The following RPS6KA2 variants were observed in gnomAD, a reference collection of about 807,000 sequenced individuals.
The protein encoded by RPS6KA2 is ribosomal protein S6 kinase alpha-2.
Under a neutral mutation model 91.8 loss-of-function variants are expected in RPS6KA2, and 42 were observed. The ratio of observed to expected loss-of-function variants is 0.46; its 90% CI spans 0.36 to 0.59. The LOEUF (loss-of-function observed/expected upper bound fraction) is 0.59. RPS6KA2 is among the 20% of genes least tolerant of loss of function. RPS6KA2 has a pLI of 0.00. For synonymous variants in RPS6KA2, 414 were observed against 393.6 expected (o/e 1.05, Z -0.61); for missense variants, 798 against 978.5 (o/e 0.82, Z 2.46).
chr6:166,685,752 G>T (rs1009013652), intron 2 of RPS6KA2, among the ~76,000 whole-genome samples: 1 of 152,178 alleles, frequency 6.6e-6, no homozygotes, highest in African/African-American at 2.4e-5. Flanking sequence ...GGTTCAAGCT[G>T]GGTTCACACA....
intron 1 of RPS6KA2, among the ~76,000 whole-genome samples, chr6:166,618,929 GC>G (rs1786516295): frequency 6.6e-6 from 1 of 152,252 alleles, no homozygotes. Flanking sequence ...GCGCGCAAGA[GC>G]CCTGTGCATA....
rs531864651 is a variant in RPS6KA2, at chr6:166,501,825, G to A, written c.567-901C>T. The stretch of plus-strand genomic sequence containing the variant: ...TAGCCCTAAAGAGACCAGGAAGTGG[G>A]CTGGAAAGAAACAAAGGCAAGGCTT... On this transcript the variant is annotated intron_variant, in intron 6 of 20. Transcript: ENST00000265678. 5.3e-5 allele frequency among the ~76,000 whole-genome samples: 8 copies of A among 152,336 alleles called. No individual in the cohort carries two copies. The South Asian group carries it at 1.4e-3, about 28-fold the overall frequency.
chr6:166,543,192 C>T (rs6456091), intron 1 of RPS6KA2, among the ~76,000 whole-genome samples: 2 of 151,888 alleles, frequency 1.3e-5, no homozygotes, highest in African/African-American at 2.4e-5. Flanking sequence ...ATCATATAAA[C>T]GCTTAATGAC....
intron 2 of RPS6KA2, among the ~76,000 whole-genome samples, chr6:166,725,575 G>T (rs1472150414): frequency 6.6e-6 from 1 of 152,210 alleles, no homozygotes; most frequent in Admixed American, 6.5e-5. Flanking sequence ...TGGGTGCCTC[G>T]AAGGGAGGTG....
chr6:166,709,458 T>C (rs927755083), intron 2 of RPS6KA2, among the ~76,000 whole-genome samples: 2 of 152,148 alleles, frequency 1.3e-5, no homozygotes, highest in African/African-American at 4.8e-5. Context: ...TGACACTCCA[T>C]CTGTACCAAA....
intron 2 of RPS6KA2, among the ~76,000 whole-genome samples, chr6:166,739,786 C>CT (rs1268640733): frequency 6.6e-6 from 1 of 152,200 alleles, no homozygotes; most frequent in Non-Finnish European, 1.5e-5. Context: ...TTTGAAAGAG[C>CT]TAAGTGTGCA....
intron 2 of RPS6KA2, among the ~76,000 whole-genome samples, chr6:166,812,928 C>T (rs1467613146): frequency 6.6e-6 from 1 of 152,164 alleles, no homozygotes; most frequent in Non-Finnish European, 1.5e-5. Context: ...AACTCTCCAG[C>T]TCTCACTGAA....
intron 10 of RPS6KA2, among the ~76,000 whole-genome samples, chr6:166,472,763 G>C (rs1232341213): frequency 6.6e-6 from 1 of 152,160 alleles, no homozygotes; most frequent in Non-Finnish European, 1.5e-5. Flanking sequence ...GCTGATGCTG[G>C]AATCACGGCT....
intron 1 of RPS6KA2, among the ~76,000 whole-genome samples, chr6:166,597,780 C>T (rs949154634): frequency 3.3e-5 from 5 of 152,112 alleles, no homozygotes; most frequent in African/African-American, 1.2e-4. Flanking sequence ...CAATGGGTGA[C>T]GGCATCATCG....
At position 166,510,315 on chromosome 6, in the gene RPS6KA2, G is replaced by A; in HGVS notation, c.341C>T (p.Ala114Val). The A allele has an allele frequency of 1.2e-6, 2 of 1,601,970 alleles. No homozygotes were observed. Among genetic ancestry groups the A allele is most frequent in the Non-Finnish European group, 1.7e-6 (2 of 1,172,822 alleles). The change falls in exon 4 of 21, where the codon GCA becomes GTA. Residue 114 changes from alanine (A) to valine (V), a missense_variant. Coordinates refer to ENST00000265678, the MANE Select transcript of RPS6KA2 (RefSeq NM_021135.6). ...CACAATGAAGGGGTGATTCACTTCT[G>A]CCAAGATGTCTCTCTCCATCTTCGA... ...VRSKMERDIL[A>V]EVNHPFIVKL... is the part of the protein sequence containing the mutation.
chr6:166,632,235 A>C (rs1787101060), upstream of RPS6KA2, among the ~76,000 whole-genome samples: 1 of 152,158 alleles, frequency 6.6e-6, no homozygotes, highest in African/African-American at 2.4e-5. Flanking sequence ...GCTATGTGAG[A>C]TGATGGGTGT....
At position 166,612,785 on chromosome 6, in the gene RPS6KA2, T is replaced by C. The variant is rs1786233108; in HGVS notation, c.99+14136A>G. On this transcript the variant is annotated intron_variant, in intron 1 of 20. Transcript: ENST00000265678. This position sits in a 1 kb window ranked among gnomAD's most constrained non-coding sequence, Gnocchi z 4.3. ...GTTTTCCCAAGTGGCCACTGCCAAA[T>C]TTACTCCACATCAGCCTCTCTCTCT... Among the ~76,000 whole-genome samples, 1 of 152,182 alleles carries C rather than the reference T, an allele frequency of 6.6e-6. No individual in the cohort carries two copies. The highest frequency in any genetic ancestry group is 6.5e-5 in the Admixed American group (1 of 15,284).
At chr6:166,683,796 A>G (rs1788913957) in intron 2 of RPS6KA2, among the ~76,000 whole-genome samples, 1 of 152,222 alleles carries the variant, frequency 6.6e-6, no homozygotes. Flanking sequence ...GTCCGACCAC[A>G]TGGTGGGTGA....
intron 1 of RPS6KA2, among the ~76,000 whole-genome samples, chr6:166,617,167 A>T (rs1786445753): frequency 6.6e-6 from 1 of 152,266 alleles, no homozygotes; most frequent in Admixed American, 6.5e-5. Context: ...AATCTCTATC[A>T]GCAATGTCAC....
At chr6:166,675,001 A>T (rs946816227) in intron 2 of RPS6KA2, among the ~76,000 whole-genome samples, 2 of 152,208 alleles carry the variant, frequency 1.3e-5, no homozygotes, top group African/African-American at 4.8e-5. Flanking sequence ...TATTTCTACG[A>T]AATATTCTGC....
intron 2 of RPS6KA2, among the ~76,000 whole-genome samples, chr6:166,850,783 G>A (rs1014674206): frequency 6.6e-6 from 1 of 152,136 alleles, no homozygotes; most frequent in African/African-American, 2.4e-5. Flanking sequence ...ATGTGGGTGA[G>A]GAGGGAGATG....
chr6:166,440,157 C>T (rs1387959622), intron 14 of RPS6KA2: 2 of 152,204 alleles, frequency 1.3e-5, no homozygotes, highest in Non-Finnish European at 2.9e-5. Context: ...GTGTTGCATT[C>T]CTAAACAATA....
At chr6:166,515,539 C>G (rs931316040) in intron 3 of RPS6KA2, among the ~76,000 whole-genome samples, 5 of 152,330 alleles carry the variant, frequency 3.3e-5, no homozygotes, top group African/African-American at 1.2e-4. Context: ...AGAGGACACT[C>G]TGAAGGGCAA....
At chr6:166,584,889 A>G (rs997546982) in intron 1 of RPS6KA2, among the ~76,000 whole-genome samples, 3 of 152,274 alleles carry the variant, frequency 2.0e-5, no homozygotes, top group Admixed American at 1.3e-4. Flanking sequence ...AGGGTTTACA[A>G]TAACAACATT....
Sources: gnomAD v4.1 joint callset for allele counts (sites outside exome capture counted in the v4.1 genomes callset) on GRCh38, gnomAD v4.1.1 for gene constraint, Gnocchi (gnomAD v3.1) non-coding constraint, MANE v1.5 for transcripts, NCBI Gene and HGNC (gene_info 2026-07-23, HGNC 2026-07-21) for gene names.